Variants in BNC2 observed in about 807,000 individuals in gnomAD.
BNC2 encodes the protein zinc finger protein basonuclin-2.
Under a neutral mutation model 76.3 loss-of-function variants are expected in BNC2, and 20 were observed. The observed-to-expected ratio is 0.26, with a 90% CI of 0.18 to 0.38. BNC2 has a LOEUF of 0.38. BNC2 is among the 10% of genes least tolerant of loss of function. The probability of loss-of-function intolerance (pLI) is 1.00; values close to 1 mark genes in which losing one functional copy is unlikely to be tolerated. For synonymous variants in BNC2, 582 were observed against 514.8 expected (o/e 1.13, Z -1.77); for missense variants, 1,382 against 1,399.8 (o/e 0.99, Z 0.20).
chr9:16,480,350 G>T (rs1822020861), intron 5 of BNC2, among the ~76,000 whole-genome samples: 1 of 152,242 alleles, frequency 6.6e-6, no homozygotes, highest in Non-Finnish European at 1.5e-5. Context: ...CGTGCTGGCA[G>T]TCCTCACAGC....
chr9:16,620,494 A>G (rs1820835981), intron 3 of BNC2, among the ~76,000 whole-genome samples: 1 of 152,174 alleles, frequency 6.6e-6, no homozygotes, highest in Non-Finnish European at 1.5e-5. Context: ...ACCATCTGAT[A>G]TCATTATAAA....
intron 5 of BNC2, among the ~76,000 whole-genome samples, chr9:16,475,822 G>A (rs1026227582): frequency 1.3e-4 from 20 of 152,306 alleles, no homozygotes; most frequent in Admixed American, 1.2e-3. Context: ...TAGCAGCACC[G>A]ATAGCCTTAC....
intron 3 of BNC2, among the ~76,000 whole-genome samples, chr9:16,646,660 C>A (rs1479688926): frequency 6.6e-6 from 1 of 151,878 alleles, no homozygotes; most frequent in Non-Finnish European, 1.5e-5. Flanking sequence ...TTGGTTGGGG[C>A]GATAGTTTAA....
intron 5 of BNC2, among the ~76,000 whole-genome samples, chr9:16,437,973 T>C (rs1821053892): frequency 6.6e-6 from 1 of 152,204 alleles, no homozygotes; most frequent in Non-Finnish European, 1.5e-5. Context: ...TCTTGTGAAA[T>C]TTACTTCTTC....
At chr9:16,480,685 A>G (rs1053913973) in intron 5 of BNC2, among the ~76,000 whole-genome samples, 2 of 152,186 alleles carry the variant, frequency 1.3e-5, no homozygotes, top group Non-Finnish European at 2.9e-5. Flanking sequence ...TGGGTCCCCC[A>G]GCAGTGCCAG....
chr9:16,645,550 T>C (rs928016358), intron 3 of BNC2, among the ~76,000 whole-genome samples: 5 of 152,192 alleles, frequency 3.3e-5, no homozygotes, highest in African/African-American at 1.2e-4. Flanking sequence ...AGAAAGTATT[T>C]GTGGGACTTA....
intron 3 of BNC2, among the ~76,000 whole-genome samples, chr9:16,655,931 A>T (rs1161966319): frequency 6.6e-6 from 1 of 152,220 alleles, no homozygotes; most frequent in Non-Finnish European, 1.5e-5. Flanking sequence ...GACAGAATGA[A>T]GATGGACACG....
chr9:16,789,889 G>C (rs1817453642), intron 1 of BNC2, among the ~76,000 whole-genome samples: 1 of 152,114 alleles, frequency 6.6e-6, no homozygotes, highest in African/African-American at 2.4e-5. Flanking sequence ...CCACTTTGTT[G>C]GTATACCCTC....
intron 3 of BNC2, among the ~76,000 whole-genome samples, chr9:16,619,186 A>C (rs906770609): frequency 2.6e-5 from 4 of 152,212 alleles, no homozygotes; most frequent in Non-Finnish European, 4.4e-5. Flanking sequence ...GGAAACATGA[A>C]GCCAAAATTC....
At chr9:16,545,288 G>A (rs1032109388) in intron 5 of BNC2, among the ~76,000 whole-genome samples, 4 of 152,166 alleles carry the variant, frequency 2.6e-5, no homozygotes, top group Non-Finnish European at 4.4e-5. Flanking sequence ...CATCAGGTTG[G>A]CAGTAGTCTG....
At chr9:16,679,418 C>T (rs992474798) in intron 3 of BNC2, among the ~76,000 whole-genome samples, 1 of 152,160 alleles carries the variant, frequency 6.6e-6, no homozygotes. Context: ...ATCTGTTTCA[C>T]TTCTACTCAT....
chr9:16,826,526 T>C (rs1376235563), intron 1 of BNC2, among the ~76,000 whole-genome samples: 1 of 152,200 alleles, frequency 6.6e-6, no homozygotes, highest in Admixed American at 6.5e-5. Flanking sequence ...TAAATTAAGC[T>C]GCTTGCCATA....
At chr9:16,814,365 G>C (rs918202983) in intron 1 of BNC2, among the ~76,000 whole-genome samples, 5 of 152,054 alleles carry the variant, frequency 3.3e-5, no homozygotes, top group Non-Finnish European at 7.4e-5. Context: ...GATATGTTTA[G>C]CTTTATACAA....
chr9:16,823,152 A>AGAAC (rs1818379498), intron 1 of BNC2, among the ~76,000 whole-genome samples: 1 of 152,204 alleles, frequency 6.6e-6, no homozygotes, highest in Non-Finnish European at 1.5e-5. Flanking sequence ...TTTATTTACA[A>AGAAC]GAACCACAGT....
At chr9:16,727,061 C>G (rs779254509) in intron 3 of BNC2, 1 of 152,204 alleles carries the variant, frequency 6.6e-6, no homozygotes, top group African/African-American at 2.4e-5. Context: ...CCAGCGCGGC[C>G]GGGACGGAGG....
chr9:16,470,671 G>T (rs1031976831), intron 5 of BNC2, among the ~76,000 whole-genome samples: 5 of 152,258 alleles, frequency 3.3e-5, no homozygotes, highest in African/African-American at 1.2e-4. Flanking sequence ...GAGGGTGGAA[G>T]CCCCAAGCCT....
At chr9:16,813,775 A>G (rs1818115329) in intron 1 of BNC2, among the ~76,000 whole-genome samples, 1 of 152,186 alleles carries the variant, frequency 6.6e-6, no homozygotes, top group Admixed American at 6.5e-5. Flanking sequence ...CCTCAATGCA[A>G]AGAACATAGG....
At chr9:16,450,524 G>A (rs932233909) in intron 5 of BNC2, among the ~76,000 whole-genome samples, 1 of 152,208 alleles carries the variant, frequency 6.6e-6, no homozygotes, top group South Asian at 2.1e-4. Flanking sequence ...GCAAGCATAA[G>A]TAACAGGGCC....
At chr9:16,862,890 T>C (rs1292511403) in intron 1 of BNC2, among the ~76,000 whole-genome samples, 2 of 148,720 alleles carry the variant, frequency 1.3e-5, no homozygotes, top group East Asian at 2.0e-4. Flanking sequence ...GGCAGATTCA[T>C]CTATATATAG....
Sources: allele counts gnomAD v4.1 joint callset (sites outside exome capture counted in the v4.1 genomes callset), GRCh38; gene constraint gnomAD v4.1.1; transcripts MANE v1.5; gene names NCBI Gene and HGNC (gene_info 2026-07-23, HGNC 2026-07-21).